SKAP2: variants seen among roughly 807,000 people sequenced by gnomAD.
SKAP2 encodes the protein src kinase-associated phosphoprotein 2.
A neutral mutation model predicts 54.9 loss-of-function variants in SKAP2; 28 were observed. That is an observed-to-expected ratio of 0.51 (90% confidence interval 0.38 to 0.70). The LOEUF (loss-of-function observed/expected upper bound fraction) is 0.70. Among genes scored for constraint, SKAP2 ranks in the 30% least tolerant of loss-of-function variants. The probability of loss-of-function intolerance (pLI) is 0.00; values close to 1 mark genes in which losing one functional copy is unlikely to be tolerated. For synonymous variants in SKAP2, 137 were observed against 134.3 expected, an observed-to-expected ratio of 1.02 and a Z score of -0.14; for missense variants, 356 against 424.1, an observed-to-expected ratio of 0.84 and a Z score of 1.41.
intron 4 of SKAP2, among the ~76,000 whole-genome samples, chr7:26,786,801 T>C (rs1263638371): frequency 3.3e-5 from 5 of 152,214 alleles, no homozygotes; most frequent in Non-Finnish European, 4.4e-5. Flanking sequence ...TCTGAACATA[T>C]AATTATTTGA....
At chr7:26,863,025 T>G (rs1476991057) in intron 1 of SKAP2, among the ~76,000 whole-genome samples, 1 of 152,116 alleles carries the variant, frequency 6.6e-6, no homozygotes, top group African/African-American at 2.4e-5. Context: ...CTGCCTGAAG[T>G]CAGTCTTTAG....
At chr7:26,837,627 C>T (rs1425515967) in intron 4 of SKAP2, among the ~76,000 whole-genome samples, 1 of 152,138 alleles carries the variant, frequency 6.6e-6, no homozygotes, top group East Asian at 1.9e-4. Context: ...ACAGGCCCCA[C>T]CTCCAGCACT....
intron 9 of SKAP2, among the ~76,000 whole-genome samples, chr7:26,695,890 A>C (rs1307864771): frequency 1.3e-5 from 2 of 152,148 alleles, no homozygotes; most frequent in African/African-American, 4.8e-5. Flanking sequence ...AAGAGGTGAC[A>C]TGGGGGAACA....
chr7:26,808,330 T>C (rs1345532058), intron 4 of SKAP2, among the ~76,000 whole-genome samples: 1 of 152,162 alleles, frequency 6.6e-6, no homozygotes, highest in Non-Finnish European at 1.5e-5. Context: ...TGATGACCCT[T>C]AAAGACATTA....
intron 4 of SKAP2, among the ~76,000 whole-genome samples, chr7:26,836,771 C>G (rs1784721725): frequency 6.6e-6 from 1 of 152,200 alleles, no homozygotes; most frequent in African/African-American, 2.4e-5. Context: ...TTGTGGAAGA[C>G]AGTGTGACGA....
At chr7:26,719,704 G>T (rs1787536483) in intron 9 of SKAP2, among the ~76,000 whole-genome samples, 2 of 152,134 alleles carry the variant, frequency 1.3e-5, no homozygotes, top group African/African-American at 2.4e-5. Context: ...CTACAAGATG[G>T]ATAGAATTTC....
intron 4 of SKAP2, among the ~76,000 whole-genome samples, chr7:26,822,153 A>AT (rs1414869545): frequency 1.3e-5 from 2 of 152,186 alleles, no homozygotes; most frequent in South Asian, 4.1e-4. Flanking sequence ...TTGGTCTTCA[A>AT]TTACCCATCT....
chr7:26,729,094 G>C (rs1266882284), intron 6 of SKAP2, among the ~76,000 whole-genome samples: 1 of 152,090 alleles, frequency 6.6e-6, no homozygotes, highest in East Asian at 1.9e-4. Context: ...CTAGAAATAA[G>C]ACAATTAGGC....
chr7:26,816,120 T>C (rs622011), intron 4 of SKAP2, among the ~76,000 whole-genome samples: 78,299 of 151,968 alleles, frequency 0.52, 20,907 homozygotes, highest in East Asian at 0.86. Context: ...AATGTTTTGT[T>C]CATGTTTTTG....
chr7:26,827,113 TA>T (rs1289461429), intron 4 of SKAP2, among the ~76,000 whole-genome samples: 1 of 152,158 alleles, frequency 6.6e-6, no homozygotes, highest in Non-Finnish European at 1.5e-5. Flanking sequence ...TAATTCTTAT[TA>T]AACTCCTTTA....
chr7:26,816,242 A>G (rs888080863), intron 4 of SKAP2, among the ~76,000 whole-genome samples: 1 of 152,182 alleles, frequency 6.6e-6, no homozygotes, highest in East Asian at 1.9e-4. Context: ...AGATAAGTGC[A>G]TTGTTAATTT....
chr7:26,766,716 T>C (rs939022444), intron 4 of SKAP2, among the ~76,000 whole-genome samples: 3 of 152,204 alleles, frequency 2.0e-5, no homozygotes, highest in Admixed American at 1.3e-4. Flanking sequence ...TCTGCATCTA[T>C]TGAGATAATC....
chr7:26,751,666 ACC>A (rs1358699851), intron 4 of SKAP2, among the ~76,000 whole-genome samples: 1 of 152,056 alleles, frequency 6.6e-6, no homozygotes, highest in Non-Finnish European at 1.5e-5. Flanking sequence ...AGACACACAC[ACC>A]ATTTGTTTTC....
At chr7:26,717,002 A>G (rs755797412) in intron 9 of SKAP2, among the ~76,000 whole-genome samples, 6 of 152,156 alleles carry the variant, frequency 3.9e-5, no homozygotes, top group Admixed American at 2.0e-4. Context: ...TGTATTCTCC[A>G]TCTTTCCTGT....
At chr7:26,852,116 A>G (rs2127998035) in intron 3 of SKAP2, among the ~76,000 whole-genome samples, 1 of 152,336 alleles carries the variant, frequency 6.6e-6, no homozygotes, top group South Asian at 2.1e-4. Context: ...GAAAGCAGCC[A>G]AAAGGACTTC....
At chr7:26,828,024 C>A (rs1276851009) in intron 4 of SKAP2, among the ~76,000 whole-genome samples, 1 of 151,586 alleles carries the variant, frequency 6.6e-6, no homozygotes, top group East Asian at 1.9e-4. Flanking sequence ...TTCAAATAAA[C>A]AAACTAACTT....
At chr7:26,704,810 T>C (rs1349126287) in intron 9 of SKAP2, among the ~76,000 whole-genome samples, 1 of 152,178 alleles carries the variant, frequency 6.6e-6, no homozygotes, top group Admixed American at 6.5e-5. Context: ...TCCTTCAAAG[T>C]ACGTAAGAAT....
chr7:26,671,726 TAGTGGACGA>T (rs994843318), intron 11 of SKAP2, among the ~76,000 whole-genome samples: 4 of 152,012 alleles, frequency 2.6e-5, no homozygotes, highest in Non-Finnish European at 5.9e-5. Flanking sequence ...AGTGTGAACT[TAGTGGACGA>T]AGCTGTATAA....
chr7:26,854,132 C>G lies in SKAP2; in HGVS notation c.199+5G>C. On this transcript the variant is annotated splice_donor_5th_base_variant and intron_variant, in intron 3 of 12. Coordinates refer to ENST00000345317, the MANE Select transcript of SKAP2 (RefSeq NM_003930.5). ...TTTTCAAGTTTGCCAAACATGAAAA[C>G]TTACCTTTGTCTTGAAATTCCTGAA... The G allele has an allele frequency of 6.3e-7, 1 of 1,583,758 alleles. No homozygotes were observed. The highest frequency in any genetic ancestry group is 8.6e-7 in the Non-Finnish European group (1 of 1,164,396).
Sources: gnomAD v4.1 joint callset for allele counts (sites outside exome capture counted in the v4.1 genomes callset) on GRCh38, gnomAD v4.1.1 for gene constraint, MANE v1.5 for transcripts, NCBI Gene and HGNC (gene_info 2026-07-23, HGNC 2026-07-21) for gene names.